The following WSB2 variants were observed in gnomAD, a reference collection of about 807,000 sequenced individuals.
The protein encoded by WSB2 is WD repeat and SOCS box-containing protein 2.
WSB2 carries 12 observed loss-of-function variants against 48.8 expected under a neutral mutation model. The observed-to-expected ratio is 0.25, with a 90% CI of 0.16 to 0.40. The LOEUF (loss-of-function observed/expected upper bound fraction) is 0.40. Among genes scored for constraint, WSB2 ranks in the 10% least tolerant of loss-of-function variants. WSB2 has a pLI of 1.00. For synonymous variants in WSB2, 191 were observed against 203.1 expected (o/e 0.94, Z 0.51); for missense variants, 317 against 506.2 (o/e 0.63, Z 3.59).
intron 8 of WSB2, 92 bp from the exon 9 acceptor site, chr12:118,034,450 G>C: frequency 6.8e-7 from 1 of 1,477,652 alleles, no homozygotes; most frequent in Non-Finnish European, 9.2e-7. Context: ...TGACTGCAAA[G>C]AGCAGGAGAC....
intron 2 of WSB2, among the ~76,000 whole-genome samples, chr12:118,047,249 G>C (rs1310893461): frequency 1.3e-5 from 2 of 152,096 alleles, no homozygotes; most frequent in Admixed American, 1.3e-4. Context: ...GGGCAGAACT[G>C]GAACTAAGGT....
chr12:118,047,684 G>GTGA (rs2031771579), intron 2 of WSB2, among the ~76,000 whole-genome samples: 1 of 152,180 alleles, frequency 6.6e-6, no homozygotes, highest in Admixed American at 6.5e-5. Context: ...CTGTACTCCA[G>GTGA]CCTGGGTGAC....
intron 5 of WSB2, among the ~76,000 whole-genome samples, chr12:118,037,534 G>A (rs950896288): frequency 6.6e-6 from 1 of 152,070 alleles, no homozygotes; most frequent in Non-Finnish European, 1.5e-5. Flanking sequence ...CAGGCGTGGT[G>A]TAGCACGCCT....
At chr12:118,056,953 A>G (rs2031968420) in intron 1 of WSB2, among the ~76,000 whole-genome samples, 2 of 152,182 alleles carry the variant, frequency 1.3e-5, no homozygotes, top group African/African-American at 4.8e-5. Context: ...GCTTATGCCA[A>G]ACATTTCACA....
At chr12:118,054,681 AAATAATAATAAT>A (rs57072102) in intron 1 of WSB2, among the ~76,000 whole-genome samples, 19,691 of 130,544 alleles carry the variant, frequency 0.15, 1,631 homozygotes, top group South Asian at 0.28. Flanking sequence ...CTGTCTCAAA[AAATAATAATAAT>A]AATAATAATA....
At chr12:118,038,514 A>G (rs2031562173) in intron 4 of WSB2, 126 bp from the exon 5 acceptor site, 1 of 751,446 alleles carries the variant, frequency 1.3e-6, no homozygotes, top group African/African-American at 1.8e-5. Context: ...AGCTGGGCCC[A>G]AGGGTCCAAT....
At chr12:118,035,602 T>C in intron 6 of WSB2, 1 of 367,712 alleles carries the variant, frequency 2.7e-6, no homozygotes, top group Non-Finnish European at 5.0e-6. Flanking sequence ...CAGTAGAAAC[T>C]GCAAGTCTTT....
intron 4 of WSB2, 33 bp from the exon 5 acceptor site, chr12:118,038,421 T>A: frequency 6.2e-7 from 1 of 1,602,434 alleles, no homozygotes; most frequent in East Asian, 2.2e-5. Flanking sequence ...AATGAGCCAG[T>A]CCTCAACAAA....
At chr12:118,041,911 C>T (rs1244813379) in intron 4 of WSB2, among the ~76,000 whole-genome samples, 3 of 151,920 alleles carry the variant, frequency 2.0e-5, no homozygotes, top group East Asian at 1.9e-4. Context: ...CCCACCACCA[C>T]GCCCAGCTCA....
At chr12:118,040,393 T>C (rs1338322392) in intron 4 of WSB2, among the ~76,000 whole-genome samples, 1 of 152,124 alleles carries the variant, frequency 6.6e-6, no homozygotes, top group African/African-American at 2.4e-5. Flanking sequence ...ATCAAGTGAT[T>C]TCCAGAGCCA....
At position 118,043,273 on chromosome 12, in the gene WSB2, C is replaced by G. The variant is rs750304066; in HGVS notation, c.287G>C (p.Gly96Ala). 65 of 1,614,080 alleles carry G rather than the reference C, an allele frequency of 4.0e-5. No homozygotes were observed. The Admixed American group carries it at 5.8e-4, about 14-fold the overall frequency. Residue 96 changes from glycine to alanine, a missense_variant, in exon 3 of 9, where the codon GGG becomes GCG. By Grantham distance (60) the Gly-to-Ala change is moderately conservative (BLOSUM62 0). Coordinates refer to ENST00000315436, the MANE Select transcript of WSB2 (RefSeq NM_018639.5). ...GGAAGGCCACGGGCTGAAGGCCAGC[C>G]CCCAGACAATCTGACCACAGTCCAG... ...KTLDCGQIVW[G>A]LAFSPWPSPP...
chr12:118,060,943 CGCCCAGCCCGCCCCGGGGTCGCCT>C lies in WSB2; in HGVS notation c.13+69_13+92del. 5.3e-6 allele frequency: 3 copies of C among 566,866 alleles called. No individual in the cohort carries two copies. The highest frequency in any genetic ancestry group is 2.0e-5 in the African/African-American group (1 of 48,870). 35.1% of individuals were successfully genotyped at this position (566,866 alleles called of 1,614,324 possible). A position where few individuals can be genotyped will look rare whatever the true frequency, so the allele number is the denominator to read the frequency against. On this transcript the variant is annotated intron_variant, in intron 1 of 8. Transcript: ENST00000315436. This position sits in a 1 kb window ranked among gnomAD's most constrained non-coding sequence, Gnocchi z 4.1. ...GCCGCGTCCAGCCCCCGCCCCACCC[CGCCCAGCCCGCCCCGGGGTCGCCT>C]CCCCCCTCCCCGGGGAGAACGGGCC...
At chr12:118,061,248 T>TGCGGACGGGATAAAAACGGTGGGGGGC (rs2032061000), upstream of WSB2, 3 of 832,424 alleles carry the variant, frequency 3.6e-6, no homozygotes, top group South Asian at 1.7e-4. Flanking sequence ...GGAGGGGGGG[T>TGCGGACGGGATAAAAACGGTGGGGGGC]GCGGACGGGA....
At chr12:118,052,538 A>G (rs1161449872) in intron 1 of WSB2, 60 bp from the exon 2 acceptor site, 2 of 1,602,606 alleles carry the variant, frequency 1.2e-6, no homozygotes, top group South Asian at 1.1e-5. Context: ...CCACCCAGAC[A>G]CAGGAAAGCC....
chr12:118,036,065 G>A (rs1455430335), intron 6 of WSB2: 4 of 239,126 alleles, frequency 1.7e-5, no homozygotes, highest in Non-Finnish European at 3.3e-5. Context: ...AGCCAGGCCT[G>A]GTGGCGCACG....
chr12:118,039,737 CTTTTTTATTT>C (rs995317406), intron 4 of WSB2, among the ~76,000 whole-genome samples: 40 of 151,828 alleles, frequency 2.6e-4, no homozygotes, highest in African/African-American at 6.8e-4. Flanking sequence ...ATTAATATTT[CTTTTTTATTT>C]TTTTTTATTT....
intron 8 of WSB2, chr12:118,034,593 CGGCACAGCCCTT>C: frequency 7.4e-6 from 4 of 541,826 alleles, no homozygotes; most frequent in Non-Finnish European, 9.7e-6. Flanking sequence ...GTCTCTCTCT[CGGCACAGCCCTT>C]TCTAAATCTG....
Position 118,061,114 on chromosome 12 carries a change from T to A in WSB2, c.-66A>T. On this transcript the variant is annotated 5_prime_UTR_variant, in exon 1 of 9. The change abolishes an upstream ATG in the 5' untranslated region. Coordinates refer to ENST00000315436, the MANE Select transcript of WSB2 (RefSeq NM_018639.5). ...CAGCCCCCCGGGCCGCGGGCCCTCA[T>A]GCCGCCCCCGCGCCGCCCGCCCCGG... The A allele has an allele frequency of 3.1e-6, 3 of 977,790 alleles. No homozygotes were observed. The South Asian group carries it at 1.4e-4, about 45-fold the overall frequency. The allele number at this position is 977,790 out of a possible 1,614,324, so 60.6% of individuals were successfully genotyped here. A position where few individuals can be genotyped will look rare whatever the true frequency, so the allele number is the denominator to read the frequency against.
chr12:118,043,504 A>C, intron 2 of WSB2, 127 bp from the exon 3 acceptor site: 1 of 1,414,300 alleles, frequency 7.1e-7, no homozygotes, highest in Non-Finnish European at 9.4e-7. Context: ...GCGTACAGTG[A>C]CACAATCATG....
Sources: gnomAD v4.1 joint callset for allele counts (sites outside exome capture counted in the v4.1 genomes callset) on GRCh38, gnomAD v4.1.1 for gene constraint, Gnocchi (gnomAD v3.1) non-coding constraint, MANE v1.5 for transcripts, NCBI Gene and HGNC (gene_info 2026-07-23, HGNC 2026-07-21) for gene names.